Variants in SEC22B observed in about 807,000 individuals in gnomAD.
The protein encoded by SEC22B is SEC22 homolog B, vesicle trafficking protein.
A neutral mutation model predicts 31.4 loss-of-function variants in SEC22B; 10 were observed. The ratio of observed to expected loss-of-function variants is 0.32; its 90% CI spans 0.20 to 0.54. The LOEUF is 0.54. SEC22B is among the 20% of genes least tolerant of loss of function. The pLI is 0.94. For synonymous variants in SEC22B, 60 were observed against 95.9 expected (o/e 0.63, Z 2.19); for missense variants, 130 against 263.4 (o/e 0.49, Z 3.50).
Position 120,154,272 on chromosome 1 carries a change from T to A in SEC22B, c.*2766A>T, listed in dbSNP as rs1378592290. The A allele has an allele frequency of 1.1e-4, 17 of 151,906 alleles. No homozygotes were observed. Among genetic ancestry groups the A allele is most frequent in the African/African-American group, 3.9e-4 (16 of 41,356 alleles). 9.4% of individuals were successfully genotyped at this position (151,906 alleles called of 1,614,324 possible). A position where few individuals can be genotyped will look rare whatever the true frequency, so the allele number is the denominator to read the frequency against. ...AGCCAAACTGCCTAGGTTCAAATCTTAGCTCTATTACTTTCTAACTCTGTG... is the reference window on the plus strand; with the variant it reads ...AGCCAAACTGCCTAGGTTCAAATCTAAGCTCTATTACTTTCTAACTCTGTG... On this transcript the variant is annotated 3_prime_UTR_variant, in exon 5 of 5. Transcript: ENST00000578049.
chr1:120,176,361 G>A lies in SEC22B; in HGVS notation c.21C>T (p.Ile7=), dbSNP rs2101134302. ...GCGGGAGCCCGTCCGCCACTCGGGCGATCATTGTTAGCAACACCATCTTCA... is the reference window on the plus strand; with the variant it reads ...GCGGGAGCCCGTCCGCCACTCGGGCAATCATTGTTAGCAACACCATCTTCA... The part of the protein sequence containing the change: MVLLTM[I]ARVADGLPLA... Residue 7 remains isoleucine, a synonymous_variant, in exon 1 of 5, where the codon ATC becomes ATT. Coordinates refer to ENST00000578049, the MANE Select transcript of SEC22B (RefSeq NM_004892.6). 1 of 1,613,732 alleles carries A rather than the reference G, an allele frequency of 6.2e-7. No homozygotes were observed. The highest frequency in any genetic ancestry group is 1.1e-5 in the South Asian group (1 of 91,056).
At chr1:120,163,945 C>CTTTTTTTTTTTTTT (rs1169530604) in intron 2 of SEC22B, among the ~76,000 whole-genome samples, 2 of 68,932 alleles carry the variant, frequency 2.9e-5, no homozygotes, top group African/African-American at 1.3e-4. Flanking sequence ...ATTAGATTCT[C>CTTTTTTTTTTTTTT]TTTTTTTTTT....
At chr1:120,168,686 G>A (rs1360920950) in intron 2 of SEC22B, among the ~76,000 whole-genome samples, 154 bp downstream of exon 2, 1 of 149,280 alleles carries the variant, frequency 6.7e-6, no homozygotes, top group African/African-American at 2.5e-5. Flanking sequence ...CCAACAAGAT[G>A]TCCATTTTGT....
At chr1:120,167,174 A>T (rs1289259627) in intron 2 of SEC22B, among the ~76,000 whole-genome samples, 2,927 of 150,412 alleles carry the variant, frequency 0.019, 87 homozygotes, top group African/African-American at 0.068. Context: ...CTATACCATC[A>T]GTTTTATTCC....
At chr1:120,170,380 T>C (rs1657877093) in intron 1 of SEC22B, among the ~76,000 whole-genome samples, 1 of 142,458 alleles carries the variant, frequency 7.0e-6, no homozygotes. Context: ...TTGTAGATAG[T>C]GTACTGCTAA....
chr1:120,169,953 G>T, intron 1 of SEC22B, among the ~76,000 whole-genome samples: 1 of 151,786 alleles, frequency 6.6e-6, no homozygotes, highest in African/African-American at 2.4e-5. Context: ...AAGTCATGAG[G>T]GTAGAGCCCT....
At chr1:120,169,587 A>G (rs1657864552) in intron 1 of SEC22B, among the ~76,000 whole-genome samples, 1 of 150,938 alleles carries the variant, frequency 6.6e-6, no homozygotes, top group Non-Finnish European at 1.5e-5. Flanking sequence ...AAAAATGAAA[A>G]TAATAGCATT....
At chr1:120,159,013 T>TA (rs1353250398) in intron 4 of SEC22B, 1 of 151,432 alleles carries the variant, frequency 6.6e-6, no homozygotes, top group Non-Finnish European at 1.5e-5. Flanking sequence ...AGATATAAAA[T>TA]ACATAAGCAC....
intron 1 of SEC22B, 104 bp downstream of exon 1, chr1:120,176,203 C>T: frequency 1.9e-6 from 2 of 1,066,648 alleles, no homozygotes; most frequent in African/African-American, 1.6e-5. Flanking sequence ...TCGGGAGTGC[C>T]CGGGAAGTCA....
chr1:120,160,395 T>A lies in SEC22B; in HGVS notation c.482A>T (p.Glu161Val). Reference sequence around the variant, plus strand: ...TTGCTTTTAGATACCTGAGAGTGCTTCTCCTCGTTGTAACACTTCTTCAAT... The same window carrying A: ...TTGCTTTTAGATACCTGAGAGTGCTACTCCTCGTTGTAACACTTCTTCAAT... ...ANIEEVLQRGEALSALDSKAN... is the reference protein window; with the variant it reads ...ANIEEVLQRGVALSALDSKAN... The change falls in exon 4 of 5, where the codon GAA becomes GTA. Residue 161 changes from glutamate (E) to valine (V), a missense_variant. By Grantham distance (121) the Glu-to-Val change is moderately radical. Around this residue, in one of 4 missense-constraint regions of SEC22B, gnomAD observed 53 missense variants for 63.3 expected, o/e 0.84. Coordinates refer to ENST00000578049, the MANE Select transcript of SEC22B (RefSeq NM_004892.6). 6.2e-7 allele frequency: 1 copy of A among 1,611,142 alleles called. No homozygotes were observed. The highest frequency in any genetic ancestry group is 1.3e-5 in the African/African-American group (1 of 74,928).
At chr1:120,165,962 T>G (rs1657800961) in intron 2 of SEC22B, among the ~76,000 whole-genome samples, 1 of 150,304 alleles carries the variant, frequency 6.7e-6, no homozygotes, top group Non-Finnish European at 1.5e-5. Context: ...CCAAAAATAA[T>G]TCAATTAAAA....
chr1:120,161,161 A>G (rs1327516098), intron 3 of SEC22B, among the ~76,000 whole-genome samples: 1 of 152,180 alleles, frequency 6.6e-6, no homozygotes, highest in Non-Finnish European at 1.5e-5. Context: ...AGAAATTTTC[A>G]AACAGTATTC....
rs1458579060 is a variant in SEC22B at position 120,163,598 on chromosome 1, C to T, written c.186-228G>A. 1.8e-4 allele frequency among the ~76,000 whole-genome samples: 26 copies of T among 142,278 alleles called. 1 individual carries two copies. The highest frequency in any genetic ancestry group is 6.9e-3 in the Middle Eastern group (2 of 288). 93.3% of individuals were successfully genotyped at this position (142,278 alleles called of 152,430 possible). A position where few individuals can be genotyped will look rare whatever the true frequency, so the allele number is the denominator to read the frequency against. On this transcript the variant is annotated intron_variant, in intron 2 of 4. Transcript: ENST00000578049. ...TTTTTTTTTCTTTTTTTTTTTGAGA[C>T]GGAGTCTCGCTCTGTCCCCTGGGCT...
chr1:120,171,879 T>C (rs1389010978), intron 1 of SEC22B, among the ~76,000 whole-genome samples: 243 of 151,278 alleles, frequency 1.6e-3, no homozygotes, highest in African/African-American at 5.8e-3. Context: ...ATGTGAAAAA[T>C]CATTCATTCA....
chr1:120,163,489 G>C (rs1485805709), intron 2 of SEC22B, 119 bp from the exon 3 acceptor site: 4 of 524,602 alleles, frequency 7.6e-6, no homozygotes, highest in African/African-American at 3.1e-5. Context: ...AATACTTTGA[G>C]GCTGGCTAAA....
At chr1:120,163,779 T>C (rs1309335321) in intron 2 of SEC22B, among the ~76,000 whole-genome samples, 7 of 151,260 alleles carry the variant, frequency 4.6e-5, no homozygotes, top group Non-Finnish European at 8.8e-5. Flanking sequence ...TTTCACCACG[T>C]TGGTTGGCCA....
intron 2 of SEC22B, among the ~76,000 whole-genome samples, chr1:120,168,075 A>C: frequency 6.6e-6 from 1 of 151,952 alleles, no homozygotes; most frequent in South Asian, 2.1e-4. Context: ...TTAAAAGTAA[A>C]CATAGCAGCT....
At chr1:120,164,773 A>G (rs1657780428) in intron 2 of SEC22B, among the ~76,000 whole-genome samples, 1 of 151,970 alleles carries the variant, frequency 6.6e-6, no homozygotes, top group Admixed American at 6.6e-5. Context: ...TTTGGATATA[A>G]ACCCATTAAT....
At chr1:120,175,794 G>A (rs1657950519) in intron 1 of SEC22B, among the ~76,000 whole-genome samples, 1 of 152,050 alleles carries the variant, frequency 6.6e-6, no homozygotes, top group African/African-American at 2.4e-5. Flanking sequence ...TGGAGAAGGT[G>A]GGAACTGGGG....
Sources: gnomAD v4.1 joint callset for allele counts (sites outside exome capture counted in the v4.1 genomes callset) on GRCh38, gnomAD v4.1.1 for gene constraint, gnomAD v4.1.1 regional missense constraint, MANE v1.5 for transcripts, NCBI Gene and HGNC (gene_info 2026-07-23, HGNC 2026-07-21) for gene names.